Variants in GLIS3 observed in about 807,000 individuals in gnomAD.
The protein encoded by GLIS3 is GLIS family zinc finger 3.
Under a neutral mutation model 78.6 loss-of-function variants are expected in GLIS3, and 53 were observed. That is an observed-to-expected ratio of 0.67 (90% CI 0.54 to 0.85). The LOEUF (loss-of-function observed/expected upper bound fraction) is 0.85, where lower values mean the gene tolerates loss of function less well. Ranked by LOEUF, GLIS3 falls within the 40% of genes least tolerant of loss-of-function variation. GLIS3 has a pLI of 0.00. For synonymous variants in GLIS3, 684 were observed against 509.9 expected (o/e 1.34, Z -4.60); for missense variants, 1,703 against 1,231.1 (o/e 1.38, Z -5.74).
At chr9:4,011,040 G>A (rs1588447496) in intron 4 of GLIS3, among the ~76,000 whole-genome samples, 1 of 152,198 alleles carries the variant, frequency 6.6e-6, no homozygotes, top group Non-Finnish European at 1.5e-5. Context: ...TCAGCGGGGA[G>A]TGGAGGTAGA....
At chr9:4,254,794 C>G (rs1014829229) in intron 2 of GLIS3, among the ~76,000 whole-genome samples, 1 of 150,184 alleles carries the variant, frequency 6.7e-6, no homozygotes, top group South Asian at 2.1e-4. Context: ...GAGCCAAGAC[C>G]GTGCCACTGC....
intron 2 of GLIS3, among the ~76,000 whole-genome samples, chr9:4,266,276 A>C (rs4740760): frequency 6.6e-6 from 1 of 151,924 alleles, no homozygotes; most frequent in Non-Finnish European, 1.5e-5. Flanking sequence ...ACCTGGCTCA[A>C]GAAGAAAAAA....
At chr9:4,234,194 G>A (rs1822516509) in intron 2 of GLIS3, among the ~76,000 whole-genome samples, 1 of 152,174 alleles carries the variant, frequency 6.6e-6, no homozygotes, top group African/African-American at 2.4e-5. Context: ...TTTCTTTCAA[G>A]AACTTTTCCT....
chr9:4,166,292 T>C (rs1391983036), intron 2 of GLIS3, among the ~76,000 whole-genome samples: 1 of 152,090 alleles, frequency 6.6e-6, no homozygotes, highest in Non-Finnish European at 1.5e-5. Flanking sequence ...GCAACTCAGA[T>C]CCTTTCCCAG....
chr9:4,463,161 C>G, the GLIS3 span, among the ~76,000 whole-genome samples: 1 of 152,162 alleles, frequency 6.6e-6, no homozygotes, highest in Non-Finnish European at 1.5e-5. Context: ...TGTTGGTTGT[C>G]ACAAACACAG....
intron 2 of GLIS3, among the ~76,000 whole-genome samples, chr9:4,211,173 T>C (rs895848518): frequency 2.0e-5 from 3 of 152,264 alleles, no homozygotes; most frequent in Non-Finnish European, 4.4e-5. Flanking sequence ...ACCTGTTTGC[T>C]GGACTATTCC....
At chr9:4,266,510 C>T (rs182939487) in intron 2 of GLIS3, among the ~76,000 whole-genome samples, 39 of 151,956 alleles carry the variant, frequency 2.6e-4, no homozygotes, top group Admixed American at 2.6e-3. Flanking sequence ...ATCTGTGCAC[C>T]CTATTAAGGT....
chr9:3,895,753 A>G (rs1036381414), intron 7 of GLIS3, among the ~76,000 whole-genome samples: 2 of 152,210 alleles, frequency 1.3e-5, no homozygotes, highest in Admixed American at 6.5e-5. Context: ...GTTATAAAGC[A>G]TCATATACTT....
Position 4,109,764 on chromosome 9 carries a change from C to G in GLIS3, c.1710+8004G>C, listed in dbSNP as rs192771862. Among the ~76,000 whole-genome samples the G allele has an allele frequency of 1.1e-3, 171 of 152,304 alleles. 1 individual carries two copies. Among genetic ancestry groups the G allele is most frequent in the African/African-American group, 3.9e-3 (164 of 41,556 alleles). On this transcript the variant is annotated intron_variant, in intron 4 of 10. Transcript: ENST00000381971. The stretch of plus-strand genomic sequence containing the variant: ...CCTCCAGCCTCACTTCCACTCCTAC[C>G]TAGTCTTGGACCATCAAACTACTTG...
chr9:3,829,213 G>A (rs1034154987), intron 10 of GLIS3, 97 bp downstream of exon 10: 23 of 1,007,942 alleles, frequency 2.3e-5, no homozygotes, highest in Middle Eastern at 2.0e-4. Context: ...ATGCGGTCAT[G>A]TGCTTGGTCA....
chr9:4,407,750 A>G, the GLIS3 span, among the ~76,000 whole-genome samples: 2 of 152,254 alleles, frequency 1.3e-5, no homozygotes, highest in Admixed American at 1.3e-4. Context: ...CAAACAAAGC[A>G]GAAATGTACA....
intron 2 of GLIS3, among the ~76,000 whole-genome samples, chr9:4,152,458 G>C (rs1834755546): frequency 6.6e-6 from 1 of 152,066 alleles, no homozygotes; most frequent in Non-Finnish European, 1.5e-5. Flanking sequence ...CTATTGTTTG[G>C]GCTACTTTCC....
At chr9:3,907,330 G>C (rs937759404) in intron 6 of GLIS3, among the ~76,000 whole-genome samples, 2 of 152,180 alleles carry the variant, frequency 1.3e-5, no homozygotes, top group African/African-American at 4.8e-5. Flanking sequence ...GGATTTCTAA[G>C]AAGGAGCCAC....
intron 4 of GLIS3, among the ~76,000 whole-genome samples, chr9:4,026,462 A>T (rs932448345): frequency 6.6e-5 from 10 of 152,234 alleles, no homozygotes; most frequent in African/African-American, 2.4e-4. Flanking sequence ...AAATCTATGT[A>T]CTTTAAACTT....
the GLIS3 span, among the ~76,000 whole-genome samples, chr9:4,369,299 G>C: frequency 1.3e-5 from 2 of 151,950 alleles, no homozygotes; most frequent in Non-Finnish European, 2.9e-5. Context: ...TTCTTTTCTG[G>C]ATATGAGCAT....
intron 4 of GLIS3, among the ~76,000 whole-genome samples, chr9:4,011,036 G>C (rs534344494): frequency 6.6e-6 from 1 of 152,146 alleles, no homozygotes; most frequent in Non-Finnish European, 1.5e-5. Context: ...GAGCTCAGCG[G>C]GGAGTGGAGG....
chr9:4,397,881 C>T, the GLIS3 span, among the ~76,000 whole-genome samples: 1 of 151,926 alleles, frequency 6.6e-6, no homozygotes, highest in Admixed American at 6.5e-5. Flanking sequence ...AGCATACTGT[C>T]AAGCAAACAA....
At chr9:4,216,286 CAT>C in intron 2 of GLIS3, among the ~76,000 whole-genome samples, 1 of 151,712 alleles carries the variant, frequency 6.6e-6, no homozygotes, top group Admixed American at 6.6e-5. Context: ...TCCTGGCTAA[CAT>C]GGTGAAACCC....
the GLIS3 span, among the ~76,000 whole-genome samples, chr9:4,365,681 T>C: frequency 6.6e-6 from 1 of 152,248 alleles, no homozygotes; most frequent in Non-Finnish European, 1.5e-5. Context: ...AAACGTCATC[T>C]GAAAAACTGG....
Sources: allele counts gnomAD v4.1 joint callset (sites outside exome capture counted in the v4.1 genomes callset), GRCh38; gene constraint gnomAD v4.1.1; transcripts MANE v1.5; gene names NCBI Gene and HGNC (gene_info 2026-07-23, HGNC 2026-07-21).